The following SLC9C2 variants were observed in gnomAD, a reference collection of about 807,000 sequenced individuals.
SLC9C2 encodes solute carrier family 9 member C2 (putative), also known as sodium/hydrogen exchanger 11.
In SLC9C2, 75 loss-of-function variants were observed where a neutral mutation model predicts 140.2. That is an observed-to-expected ratio of 0.53 (90% CI 0.44 to 0.65). The LOEUF is 0.65. Among genes scored for constraint, SLC9C2 ranks in the 30% least tolerant of loss-of-function variants. The pLI is 0.00. For missense variants in SLC9C2, 1,074 were observed against 1,331.8 expected (o/e 0.81, Z 3.01); for synonymous variants, 375 against 420.9 (o/e 0.89, Z 1.34).
At chr1:173,548,984 A>G (rs1461404230) in intron 11 of SLC9C2, among the ~76,000 whole-genome samples, 2 of 152,220 alleles carry the variant, frequency 1.3e-5, no homozygotes, top group Admixed American at 1.3e-4. Context: ...TATACTGTAC[A>G]TAATAACATT....
At chr1:173,555,819 CA>C (rs1663650455) in intron 10 of SLC9C2, among the ~76,000 whole-genome samples, 3 of 152,126 alleles carry the variant, frequency 2.0e-5, no homozygotes, top group Non-Finnish European at 4.4e-5. Context: ...GATACTCCAT[CA>C]AAAATAGCAC....
At chr1:173,574,833 T>A (rs565368077) in intron 8 of SLC9C2, among the ~76,000 whole-genome samples, 1 of 151,958 alleles carries the variant, frequency 6.6e-6, no homozygotes, top group African/African-American at 2.4e-5. Flanking sequence ...TTTAAAAAAA[T>A]GTCATGTGGG....
At chr1:173,502,570 C>T (rs1389269946) in intron 27 of SLC9C2, among the ~76,000 whole-genome samples, 1 of 152,160 alleles carries the variant, frequency 6.6e-6, no homozygotes, top group Non-Finnish European at 1.5e-5. Context: ...AAGACAGGCC[C>T]ATATTCCTTT....
In SLC9C2 at chr1:173,521,318, T is replaced by G. The variant is rs780625309; in HGVS notation, c.2722A>C (p.Ile908Leu). Residue 908 changes from isoleucine (I) to leucine (L), a missense_variant, in exon 22 of 28, where the codon ATT becomes CTT. Coordinates refer to ENST00000367714, the MANE Select transcript of SLC9C2 (RefSeq NM_178527.4). ...TCCCTTACAATTGCCATTCCTGAAA[T>G]AATTAAGTAGATTCCTTGTGGCATT... is the stretch of plus-strand genomic sequence containing the variant. ...GEMPQGIYLI[I>L]SGMAILHSLS... The G allele has an allele frequency of 2.6e-6, 4 of 1,522,684 alleles. No homozygotes were observed. The highest frequency in any genetic ancestry group is 1.7e-4 in the Middle Eastern group (1 of 5,838). 94.3% of individuals were successfully genotyped at this position (1,522,684 alleles called of 1,614,324 possible). A position where few individuals can be genotyped will look rare whatever the true frequency, so the allele number is the denominator to read the frequency against.
intron 26 of SLC9C2, among the ~76,000 whole-genome samples, chr1:173,504,128 A>G (rs561437556): frequency 9.2e-5 from 14 of 152,280 alleles, no homozygotes; most frequent in African/African-American, 3.4e-4. Flanking sequence ...AGAGACTGTG[A>G]GCTGGGGAAA....
At chr1:173,511,006 T>C (rs1349046897) in intron 23 of SLC9C2, among the ~76,000 whole-genome samples, 2 of 150,772 alleles carry the variant, frequency 1.3e-5, no homozygotes, top group East Asian at 3.9e-4. Context: ...TATTGTTTCC[T>C]GGATTTTTTT....
Position 173,521,360 on chromosome 1 carries a change from TG to T in SLC9C2, c.2679del (p.Ile894PhefsTer13). On this transcript the variant is annotated frameshift_variant, in exon 22 of 28. Coordinates refer to ENST00000367714, the MANE Select transcript of SLC9C2 (RefSeq NM_178527.4). LOFTEE classifies it high-confidence loss of function. ...TGTGGCATTTCACCTCCTTTACAAA[TG>T]GTATCTCCAGAGTCAAAACAGGCAA... ...AKLACFDSGD[T>X]ICKGGEMPQG... 6.4e-7 allele frequency: 1 copy of T among 1,555,798 alleles called. No individual in the cohort carries two copies. The highest frequency in any genetic ancestry group is 8.6e-7 in the Non-Finnish European group (1 of 1,159,024).
intron 14 of SLC9C2, among the ~76,000 whole-genome samples, chr1:173,536,558 G>A (rs1661973676): frequency 6.6e-6 from 1 of 152,094 alleles, no homozygotes; most frequent in African/African-American, 2.4e-5. Context: ...GCAGCCTCCA[G>A]GCTTCTAAAC....
Position 173,526,725 on chromosome 1 carries a change from T to A in SLC9C2, c.2314-11A>T. 1.3e-6 allele frequency: 2 copies of A among 1,529,618 alleles called. No individual in the cohort carries two copies. Among genetic ancestry groups the A allele is most frequent in the Non-Finnish European group, 1.7e-6 (2 of 1,153,982 alleles). 94.8% of individuals were successfully genotyped at this position (1,529,618 alleles called of 1,614,324 possible). ...AATTTCACATAGTTTCTGTAAAAAA[T>A]TAAGAAAAACATGTATTTCTTATTA... On this transcript the variant is annotated splice_polypyrimidine_tract_variant and intron_variant, in intron 18 of 27. Coordinates refer to ENST00000367714, the MANE Select transcript of SLC9C2 (RefSeq NM_178527.4).
At chr1:173,578,436 C>T (rs760639832) in intron 7 of SLC9C2, among the ~76,000 whole-genome samples, 1 of 152,226 alleles carries the variant, frequency 6.6e-6, no homozygotes, top group Non-Finnish European at 1.5e-5. Flanking sequence ...CCTTATAACA[C>T]TGCCTTTTTC....
chr1:173,529,773 A>G, intron 18 of SLC9C2, 132 bp downstream of exon 18: 1 of 966,518 alleles, frequency 1.0e-6, no homozygotes. Flanking sequence ...CTCATATGAT[A>G]TAATAAACAA....
At chr1:173,557,610 G>T in intron 9 of SLC9C2, 102 bp from the exon 10 acceptor site, 1 of 1,149,802 alleles carries the variant, frequency 8.7e-7, no homozygotes, top group Non-Finnish European at 1.2e-6. Context: ...AAAAATTTTC[G>T]GGAAAGAAAA....
At chr1:173,532,105 A>C (rs1319299937) in intron 17 of SLC9C2, among the ~76,000 whole-genome samples, 2 of 152,250 alleles carry the variant, frequency 1.3e-5, no homozygotes, top group Admixed American at 1.3e-4. Flanking sequence ...ATGTAGAATA[A>C]ATGAAGGAAC....
chr1:173,506,825 C>G (rs41264568), intron 25 of SLC9C2, 31 bp downstream of exon 25: 36,658 of 1,578,972 alleles, frequency 0.023, 502 homozygotes, highest in Middle Eastern at 0.044. Context: ...CCGTGAAGAG[C>G]AAGAGACTCT....
chr1:173,505,359 A>T lies in SLC9C2; in HGVS notation c.3226-28T>A, dbSNP rs758042848. On this transcript the variant is annotated intron_variant, in intron 25 of 27. Transcript: ENST00000367714. ...AGAGGAGAAAAGTCAAAATTAGTCA[A>T]AAGAGCATTCTTTGATCTCTAACCT... 2.0e-4 allele frequency: 314 copies of T among 1,565,320 alleles called. 1 individual carries two copies. Among genetic ancestry groups the T allele is most frequent in the Non-Finnish European group, 2.7e-4 (303 of 1,136,306 alleles).
intron 22 of SLC9C2, among the ~76,000 whole-genome samples, chr1:173,520,086 T>C (rs143801988): frequency 6.6e-4 from 100 of 152,242 alleles, no homozygotes; most frequent in Non-Finnish European, 1.1e-3. Context: ...GGACAGACCT[T>C]GCAGTGAGCT....
At chr1:173,565,598 T>C (rs1020067498) in intron 9 of SLC9C2, among the ~76,000 whole-genome samples, 3 of 152,388 alleles carry the variant, frequency 2.0e-5, no homozygotes, top group Non-Finnish European at 2.9e-5. Context: ...CCATGCTGTG[T>C]TCATTACTAT....
chr1:173,522,726 G>C (rs112100809), intron 21 of SLC9C2, among the ~76,000 whole-genome samples: 1 of 152,060 alleles, frequency 6.6e-6, no homozygotes, highest in South Asian at 2.1e-4. Flanking sequence ...GATGTTCTTC[G>C]GGCCCTCTGC....
rs778280980 is a variant in SLC9C2 at position 173,583,638 on chromosome 1, C to T, written c.524-16G>A. The T allele has an allele frequency of 2.0e-4, 251 of 1,281,786 alleles. No homozygotes were observed. The highest frequency in any genetic ancestry group is 2.1e-4 in the Non-Finnish European group (193 of 907,658). The allele number at this position is 1,281,786 out of a possible 1,614,324, so 79.4% of individuals were successfully genotyped here. A position where few individuals can be genotyped will look rare whatever the true frequency, so the allele number is the denominator to read the frequency against. ...TTAGAAATGCCTGAAAAAGGAAATA[C>T]AAAATGTAACTCAATATGCTACATG... is the stretch of plus-strand genomic sequence containing the variant. On this transcript the variant is annotated splice_polypyrimidine_tract_variant and intron_variant, in intron 5 of 27. Transcript: ENST00000367714.
Sources: gnomAD v4.1 joint callset for allele counts (sites outside exome capture counted in the v4.1 genomes callset) on GRCh38, gnomAD v4.1.1 for gene constraint, MANE v1.5 for transcripts, NCBI Gene and HGNC (gene_info 2026-07-23, HGNC 2026-07-21) for gene names.